SORCS1: variants seen among roughly 807,000 people sequenced by gnomAD.
The protein encoded by SORCS1 is VPS10 domain-containing receptor SorCS1.
A neutral mutation model predicts 146.1 loss-of-function variants in SORCS1; 60 were observed. The observed-to-expected ratio is 0.41, with a 90% CI of 0.33 to 0.51. The LOEUF is 0.51. Ranked by LOEUF, SORCS1 falls within the 20% of genes least tolerant of loss-of-function variation. The pLI is 0.21. For missense variants in SORCS1, 1,352 were observed against 1,487.6 expected (o/e 0.91, Z 1.50); for synonymous variants, 637 against 584.0 (o/e 1.09, Z -1.31).
chr10:106,648,970 G>A (rs1849659955), intron 18 of SORCS1, among the ~76,000 whole-genome samples: 1 of 152,192 alleles, frequency 6.6e-6, no homozygotes, highest in African/African-American at 2.4e-5. Flanking sequence ...CACCGACCAG[G>A]AGAACTATCC....
rs550153903 is a variant in SORCS1 at position 107,154,888 on chromosome 10, C to T, written c.558+9081G>A. 2.0e-5 allele frequency among the ~76,000 whole-genome samples: 3 copies of T among 152,196 alleles called. No homozygotes were observed. The East Asian group carries it at 5.8e-4, about 29-fold the overall frequency. ...TATACTATCTCTGTTAATCATCAAGCCACCATATAAGAAATATACCATTAG... is the reference window on the plus strand; with the variant it reads ...TATACTATCTCTGTTAATCATCAAGTCACCATATAAGAAATATACCATTAG... On this transcript the variant is annotated intron_variant, in intron 1 of 25. Coordinates refer to ENST00000263054, the MANE Select transcript of SORCS1 (RefSeq NM_052918.5).
At chr10:107,042,755 A>C (rs1590001160) in intron 1 of SORCS1, among the ~76,000 whole-genome samples, 2 of 152,098 alleles carry the variant, frequency 1.3e-5, no homozygotes, top group South Asian at 4.2e-4. Flanking sequence ...GATTGCAAGC[A>C]CCTGCCACCA....
chr10:106,805,554 A>G (rs571955483), intron 3 of SORCS1, among the ~76,000 whole-genome samples: 1 of 152,298 alleles, frequency 6.6e-6, no homozygotes, highest in Admixed American at 6.5e-5. Context: ...AGATCCTATG[A>G]TGCTAAGTGC....
intron 1 of SORCS1, among the ~76,000 whole-genome samples, chr10:107,102,556 A>G (rs1315653983): frequency 4.6e-5 from 7 of 152,212 alleles, no homozygotes; most frequent in African/African-American, 1.7e-4. Context: ...GATTTGTTAA[A>G]GGTGCTTTAT....
chr10:107,115,141 T>C (rs950823912), intron 1 of SORCS1, among the ~76,000 whole-genome samples: 17 of 151,900 alleles, frequency 1.1e-4, no homozygotes, highest in African/African-American at 3.9e-4. Flanking sequence ...TGTTTATGGA[T>C]TGGAAGAATT....
rs2134113117 is a variant in SORCS1, at chr10:107,060,757, G to A, written c.558+103212C>T. Among the ~76,000 whole-genome samples, 1 of 152,128 alleles carries A rather than the reference G, an allele frequency of 6.6e-6. No homozygotes were observed. Among genetic ancestry groups the A allele is most frequent in the African/African-American group, 2.4e-5 (1 of 41,488 alleles). On this transcript the variant is annotated intron_variant, in intron 1 of 25. Coordinates refer to ENST00000263054, the MANE Select transcript of SORCS1 (RefSeq NM_052918.5). This position sits in a 1 kb window ranked among gnomAD's most constrained non-coding sequence, Gnocchi z 4.1. ...TTTTACATGAAAAAATGTACTAAAT[G>A]TGACTCATTTAGCACTTCCTTTATT...
intron 2 of SORCS1, among the ~76,000 whole-genome samples, chr10:106,871,175 G>C (rs538355036): frequency 1.3e-5 from 2 of 152,254 alleles, no homozygotes; most frequent in East Asian, 3.9e-4. Flanking sequence ...AGTTAGAATG[G>C]CTATTACTAA....
intron 1 of SORCS1, among the ~76,000 whole-genome samples, chr10:107,149,597 T>C (rs923156755): frequency 2.0e-5 from 3 of 152,230 alleles, no homozygotes; most frequent in African/African-American, 7.2e-5. Context: ...TGCTTTAAAA[T>C]GGTTTTGTGT....
chr10:107,080,917 T>C (rs1291176173), intron 1 of SORCS1, among the ~76,000 whole-genome samples: 1 of 152,220 alleles, frequency 6.6e-6, no homozygotes, highest in Non-Finnish European at 1.5e-5. Context: ...CTGTCTTTCA[T>C]GATTATAGCT....
At position 106,950,561 on chromosome 10, in the gene SORCS1, C is replaced by T. The variant is rs555343589; in HGVS notation, c.626+5952G>A. Among the ~76,000 whole-genome samples the T allele has an allele frequency of 5.8e-4, 88 of 152,220 alleles. 1 individual carries two copies. The South Asian group carries it at 0.018, about 32-fold the overall frequency. On this transcript the variant is annotated intron_variant, in intron 2 of 25. Transcript: ENST00000263054. ...TCAGAATGTTACAGCACGTAGAAAA[C>T]CCTATTCACTCTGTATATGGTGTTT...
chr10:107,024,178 A>G (rs1171296277), intron 1 of SORCS1, among the ~76,000 whole-genome samples: 1 of 133,794 alleles, frequency 7.5e-6, no homozygotes, highest in Non-Finnish European at 1.5e-5. Context: ...CATCTCAAAA[A>G]AAAAAAAAAA....
chr10:106,698,967 C>A (rs533469457), intron 9 of SORCS1, among the ~76,000 whole-genome samples: 8 of 152,190 alleles, frequency 5.3e-5, no homozygotes, highest in Non-Finnish European at 7.3e-5. Flanking sequence ...AGACATTCCG[C>A]AAGTCCACAA....
chr10:106,614,439 T>C (rs1436656140), intron 21 of SORCS1, among the ~76,000 whole-genome samples: 1 of 152,184 alleles, frequency 6.6e-6, no homozygotes, highest in Non-Finnish European at 1.5e-5. Context: ...AGTTAATATA[T>C]TCCAAAGAGG....
intron 1 of SORCS1, among the ~76,000 whole-genome samples, chr10:107,077,220 T>C (rs1590081011): frequency 6.6e-6 from 1 of 152,314 alleles, no homozygotes; most frequent in East Asian, 1.9e-4. Flanking sequence ...TAGCCATTTT[T>C]CTAGTTTTGA....
At chr10:107,012,342 G>A (rs1957729312) in intron 1 of SORCS1, among the ~76,000 whole-genome samples, 1 of 152,182 alleles carries the variant, frequency 6.6e-6, no homozygotes, top group Non-Finnish European at 1.5e-5. Context: ...CCAAAGTGCT[G>A]GAGTTGAACA....
chr10:106,588,811 A>C (rs1448035871), intron 24 of SORCS1, among the ~76,000 whole-genome samples: 2 of 137,932 alleles, frequency 1.4e-5, no homozygotes, highest in Admixed American at 7.7e-5. Flanking sequence ...CAGTGAGCCG[A>C]GATCACGCCA....
At chr10:107,095,719 G>T (rs1964504234) in intron 1 of SORCS1, among the ~76,000 whole-genome samples, 1 of 152,006 alleles carries the variant, frequency 6.6e-6, no homozygotes, top group Admixed American at 6.6e-5. Context: ...TATCAGTGCT[G>T]AATTTTACAG....
chr10:106,912,505 T>A (rs1952215994), intron 2 of SORCS1, among the ~76,000 whole-genome samples: 1 of 152,162 alleles, frequency 6.6e-6, no homozygotes, highest in Admixed American at 6.5e-5. Flanking sequence ...CCAGAGCACC[T>A]AAGCCCACAA....
At chr10:107,114,641 T>C (rs1257197644) in intron 1 of SORCS1, among the ~76,000 whole-genome samples, 2 of 152,098 alleles carry the variant, frequency 1.3e-5, no homozygotes, top group Non-Finnish European at 2.9e-5. Flanking sequence ...GGCTTATGGG[T>C]AGTATAATAC....
Sources: gnomAD v4.1 joint callset for allele counts (sites outside exome capture counted in the v4.1 genomes callset) on GRCh38, gnomAD v4.1.1 for gene constraint, Gnocchi (gnomAD v3.1) non-coding constraint, MANE v1.5 for transcripts, NCBI Gene and HGNC (gene_info 2026-07-23, HGNC 2026-07-21) for gene names.